The following HOXA2 variants were observed in gnomAD, a reference collection of about 807,000 sequenced individuals.
HOXA2 encodes homeobox protein Hox-A2.
HOXA2 carries 4 observed loss-of-function variants against 27.2 expected under a neutral mutation model. That is an observed-to-expected ratio of 0.15 (90% CI 0.07 to 0.34). The LOEUF (loss-of-function observed/expected upper bound fraction) is 0.34. Among genes scored for constraint, HOXA2 ranks in the 10% least tolerant of loss-of-function variants. The pLI is 1.00. For synonymous variants in HOXA2, 200 were observed against 202.8 expected (o/e 0.99, Z 0.12); for missense variants, 430 against 473.2 (o/e 0.91, Z 0.85).
At chr7:27,101,862 T>C (rs1478253948) in intron 1 of HOXA2, 2 of 710,236 alleles carry the variant, frequency 2.8e-6, no homozygotes, top group Admixed American at 2.0e-5. Flanking sequence ...CATCCCACAT[T>C]ACACAAGTTC....
chr7:27,102,051 G>A lies in HOXA2; in HGVS notation c.391+59C>T. 6.3e-7 allele frequency: 1 copy of A among 1,596,172 alleles called. No homozygotes were observed. The highest frequency in any genetic ancestry group is 8.5e-7 in the Non-Finnish European group (1 of 1,173,456). On this transcript the variant is annotated intron_variant, in intron 1 of 1. Transcript: ENST00000222718. This position sits in a 1 kb window ranked among gnomAD's most constrained non-coding sequence, Gnocchi z 4.6. ...CTCCCCTCCCCCCACAGCCACTCTC[G>A]GGGCAGCCCGGAGAAGGAAGAGGGT...
At position 27,102,002 on chromosome 7, in the gene HOXA2, C is replaced by G. The variant is rs1370971591; in HGVS notation, c.391+108G>C. ...ACAAGGCAACCAAGCATCTCTCCCTCTCCTCCTTCTCTCCCAGCCCACTCT... is the reference window on the plus strand; with the variant it reads ...ACAAGGCAACCAAGCATCTCTCCCTGTCCTCCTTCTCTCCCAGCCCACTCT... On this transcript the variant is annotated intron_variant, in intron 1 of 1. Transcript: ENST00000222718. The surrounding 1 kb of genome is among the most constrained non-coding windows in gnomAD (Gnocchi z 4.6). 1 of 1,490,624 alleles carries G rather than the reference C, an allele frequency of 6.7e-7. No individual in the cohort carries two copies. Among genetic ancestry groups the G allele is most frequent in the Non-Finnish European group, 9.1e-7 (1 of 1,099,392 alleles). The allele number at this position is 1,490,624 out of a possible 1,614,324, so 92.3% of individuals were successfully genotyped here. A position where few individuals can be genotyped will look rare whatever the true frequency, so the allele number is the denominator to read the frequency against.
At position 27,101,050 on chromosome 7, in the gene HOXA2, G is replaced by T. The variant is rs141931321; in HGVS notation, c.807C>A (p.Ser269=). 6.3e-5 allele frequency: 102 copies of T among 1,614,074 alleles called. No homozygotes were observed. Among genetic ancestry groups the T allele is most frequent in the Non-Finnish European group, 7.0e-5 (83 of 1,180,046 alleles). Residue 269 remains serine (S), a synonymous_variant, in exon 2 of 2, where the codon TCC becomes TCA. Coordinates refer to ENST00000222718, the MANE Select transcript of HOXA2 (RefSeq NM_006735.4). ...TTAAAGGCGAGACTGGGAAACTTTG[G>T]GAGTCGCCATTGTGTCCATTGGGAG... ...QQAPNGHNGD[S]QSFPVSPLTS...
Position 27,100,871 on chromosome 7 carries a change from G to A in HOXA2, c.986C>T (p.Ser329Phe). ...VPSLQDFSVF[S>F]TDSCLQLSDA... Reference sequence around the variant, plus strand: ...TGAAAGCTGCAGGCAGGAATCTGTGGAGAAAACGCTAAAGTCCTGCAAAGA... The same window carrying A: ...TGAAAGCTGCAGGCAGGAATCTGTGAAGAAAACGCTAAAGTCCTGCAAAGA... Residue 329 changes from serine to phenylalanine, a missense_variant, in exon 2 of 2, where the codon TCC (serine) becomes TTC (phenylalanine). Physicochemically the swap from Ser to Phe is radical, Grantham distance 155. Coordinates refer to ENST00000222718, the MANE Select transcript of HOXA2 (RefSeq NM_006735.4). 6.2e-7 allele frequency: 1 copy of A among 1,614,240 alleles called. No individual in the cohort carries two copies. The highest frequency in any genetic ancestry group is 8.5e-7 in the Non-Finnish European group (1 of 1,180,044).
Position 27,100,878 on chromosome 7 carries a change from C to T in HOXA2, c.979G>A (p.Val327Ile), listed in dbSNP as rs143043350. Reference sequence around the variant, plus strand: ...TGCAGGCAGGAATCTGTGGAGAAAACGCTAAAGTCCTGCAAAGAGGGGACC... The same window carrying T: ...TGCAGGCAGGAATCTGTGGAGAAAATGCTAAAGTCCTGCAAAGAGGGGACC... The part of the protein sequence containing the change: ...LEVPSLQDFS[V>I]FSTDSCLQLS... The change falls in exon 2 of 2, where the codon GTT becomes ATT. Residue 327 changes from valine (V) to isoleucine (I), a missense_variant. Physicochemically the swap from Val to Ile is conservative, Grantham distance 29. Coordinates refer to ENST00000222718, the MANE Select transcript of HOXA2 (RefSeq NM_006735.4). The T allele has an allele frequency of 9.5e-4, 1,533 of 1,614,204 alleles. 2 individuals carry two copies. The highest frequency in any genetic ancestry group is 1.0e-3 in the Non-Finnish European group (1,181 of 1,180,032).
Position 27,100,756 on chromosome 7 carries a change from GGTGA to G in HOXA2, c.1097_1100del (p.Leu366ProfsTer8), listed in dbSNP as rs1207415673. ...AATTCAGATGCTGCAAGTCGATTGTGGTGAGTGTGTCTGTAAAAAAGTCTAAGCT... is the reference window on the plus strand; with the variant it reads ...AATTCAGATGCTGCAAGTCGATTGTGGTGTGTCTGTAAAAAAGTCTAAGCT... On this transcript the variant is annotated frameshift_variant, in exon 2 of 2. Transcript: ENST00000222718. The G allele has an allele frequency of 1.2e-6, 2 of 1,614,212 alleles. No homozygotes were observed. The highest frequency in any genetic ancestry group is 1.7e-6 in the Non-Finnish European group (2 of 1,180,050).
At position 27,101,264 on chromosome 7, in the gene HOXA2, T is replaced by A; in HGVS notation, c.593A>T (p.His198Leu). ...TTCCTTGCACTGGGTCTGCCTCTTG[T>A]GCTTCATCCTCCGGTTCTGAAACCA... is the stretch of plus-strand genomic sequence containing the variant. ...KVWFQNRRMK[H>L]KRQTQCKENQ... Residue 198 changes from histidine to leucine, a missense_variant, in exon 2 of 2, where the codon CAC (histidine) becomes CTC (leucine). Physicochemically the swap from His to Leu is moderately conservative, Grantham distance 99. This residue lies in a region of HOXA2 where 26 missense variants were observed against 41.0 expected (regional missense o/e 0.63). Coordinates refer to ENST00000222718, the MANE Select transcript of HOXA2 (RefSeq NM_006735.4). 2 of 1,614,258 alleles carry A rather than the reference T, an allele frequency of 1.2e-6. No homozygotes were observed. The highest frequency in any genetic ancestry group is 1.7e-6 in the Non-Finnish European group (2 of 1,180,048).
Position 27,100,621 on chromosome 7 carries a change from G to T in HOXA2, c.*105C>A. 8.2e-7 allele frequency: 1 copy of T among 1,213,882 alleles called. No homozygotes were observed. Among genetic ancestry groups the T allele is most frequent in the Non-Finnish European group, 1.2e-6 (1 of 826,720 alleles). The allele number at this position is 1,213,882 out of a possible 1,614,324, so 75.2% of individuals were successfully genotyped here. A position where few individuals can be genotyped will look rare whatever the true frequency, so the allele number is the denominator to read the frequency against. On this transcript the variant is annotated 3_prime_UTR_variant, in exon 2 of 2. Transcript: ENST00000222718. ...CCTCAACACTTAAAGGAGGGAAGGG[G>T]TAGGTCAAGAAGAAAATAAAAAATA...
Position 27,101,273 on chromosome 7 carries a change from C to A in HOXA2, c.584G>T (p.Arg195Met). The A allele has an allele frequency of 6.2e-7, 1 of 1,614,234 alleles. No homozygotes were observed. Among genetic ancestry groups the A allele is most frequent in the Non-Finnish European group, 8.5e-7 (1 of 1,180,048 alleles). The change falls in exon 2 of 2, where the codon AGG (arginine) becomes ATG (methionine). Residue 195 changes from arginine to methionine, a missense_variant. Physicochemically the swap from Arg to Met is moderately conservative, Grantham distance 91 (BLOSUM62 -1). This residue lies in a region of HOXA2 where 26 missense variants were observed against 41.0 expected (regional missense o/e 0.63). Transcript: ENST00000222718. The part of the protein sequence containing the change: ...RQVKVWFQNR[R>M]MKHKRQTQCK... ...CTGGGTCTGCCTCTTGTGCTTCATC[C>A]TCCGGTTCTGAAACCACACTTTCAC...
At position 27,101,084 on chromosome 7, in the gene HOXA2, TGA is replaced by T. The variant is rs1783918102; in HGVS notation, c.771_772del (p.Gln258AlafsTer23). 1.9e-6 allele frequency: 3 copies of T among 1,614,108 alleles called. No individual in the cohort carries two copies. The highest frequency in any genetic ancestry group is 2.2e-5 in the East Asian group (1 of 44,892). ...ATTGTGTCCATTGGGAGCCTGCTGCTGAGAGAGGGCATTTTGCTGAAAAGTGT... is the reference window on the plus strand; with the variant it reads ...ATTGTGTCCATTGGGAGCCTGCTGCTGAGAGGGCATTTTGCTGAAAAGTGT... On this transcript the variant is annotated frameshift_variant, in exon 2 of 2. Coordinates refer to ENST00000222718, the MANE Select transcript of HOXA2 (RefSeq NM_006735.4).
rs749488771 is a variant in HOXA2 at position 27,101,969 on chromosome 7, G to A, written c.391+141C>T. On this transcript the variant is annotated intron_variant, in intron 1 of 1. Transcript: ENST00000222718. ...ATCAAACCCACTCCTGAACCCACAG[G>A]GGCAGGGACAAGGCAACCAAGCATC... is the stretch of plus-strand genomic sequence containing the variant. 1.3e-5 allele frequency: 16 copies of A among 1,211,890 alleles called. No homozygotes were observed. The Middle Eastern group carries it at 1.1e-3, about 85-fold the overall frequency. The allele number at this position is 1,211,890 out of a possible 1,614,324, so 75.1% of individuals were successfully genotyped here.
Position 27,102,541 on chromosome 7 carries a change from T to C in HOXA2, c.-41A>G. The C allele has an allele frequency of 6.2e-7, 1 of 1,604,170 alleles. No individual in the cohort carries two copies. The highest frequency in any genetic ancestry group is 8.5e-7 in the Non-Finnish European group (1 of 1,175,312). On this transcript the variant is annotated 5_prime_UTR_variant, in exon 1 of 2. Coordinates refer to ENST00000222718, the MANE Select transcript of HOXA2 (RefSeq NM_006735.4). This position sits in a 1 kb window ranked among gnomAD's most constrained non-coding sequence, Gnocchi z 4.6. ...GCCCCCTCAGAGAAAAAGTTCCCTC[T>C]TTTGGAGGGGCTTTGGGGGGGCAAG... is the stretch of plus-strand genomic sequence containing the variant.
At position 27,100,862 on chromosome 7, in the gene HOXA2, G is replaced by T. The variant is rs539038264; in HGVS notation, c.995C>A (p.Ser332Tyr). ...LQDFSVFSTD[S>Y]CLQLSDAVSP... ...AACTGCATCTGAAAGCTGCAGGCAG[G>T]AATCTGTGGAGAAAACGCTAAAGTC... The change falls in exon 2 of 2, where the codon TCC (serine) becomes TAC (tyrosine). Residue 332 changes from serine to tyrosine, a missense_variant. Ser to Tyr is a moderately radical substitution (Grantham distance 144, BLOSUM62 -2). Transcript: ENST00000222718. 5 of 1,614,250 alleles carry T rather than the reference G, an allele frequency of 3.1e-6. No individual in the cohort carries two copies. The highest frequency in any genetic ancestry group is 1.7e-6 in the Non-Finnish European group (2 of 1,180,048).
Position 27,100,865 on chromosome 7 carries a change from T to C in HOXA2, c.992A>G (p.Asp331Gly). ...TGCATCTGAAAGCTGCAGGCAGGAA[T>C]CTGTGGAGAAAACGCTAAAGTCCTG... The part of the protein sequence containing the change: ...SLQDFSVFST[D>G]SCLQLSDAVS... Residue 331 changes from aspartate (D) to glycine (G), a missense_variant, in exon 2 of 2, where the codon GAT (aspartate) becomes GGT (glycine). Asp to Gly is a moderately conservative substitution (Grantham distance 94). Coordinates refer to ENST00000222718, the MANE Select transcript of HOXA2 (RefSeq NM_006735.4). 1 of 1,614,188 alleles carries C rather than the reference T, an allele frequency of 6.2e-7. No homozygotes were observed. Among genetic ancestry groups the C allele is most frequent in the Non-Finnish European group, 8.5e-7 (1 of 1,180,030 alleles).
chr7:27,100,964 A>G lies in HOXA2; in HGVS notation c.893T>C (p.Leu298Ser). The G allele has an allele frequency of 2.5e-6, 4 of 1,614,222 alleles. 1 individual carries two copies. In the South Asian group the frequency reaches 4.4e-5, roughly 18 times the overall value. The part of the protein sequence containing the change: ...QHQSPTVPNC[L>S]STMGQNCGAG... ...TCCACAGTTCTGGCCCATTGTTGAC[A>G]AGCAGTTGGGAACAGTGGGTGACTG... is the stretch of plus-strand genomic sequence containing the variant. The change falls in exon 2 of 2, where the codon TTG becomes TCG. Residue 298 changes from leucine (L) to serine (S), a missense_variant. Leu to Ser is a moderately radical substitution (Grantham distance 145). This residue lies in a region of HOXA2 where 236 missense variants were observed against 208.5 expected (regional missense o/e 1.13). Transcript: ENST00000222718.
rs1397695085 is a variant in HOXA2 at position 27,100,391 on chromosome 7, T to G, written c.*335A>C. On this transcript the variant is annotated 3_prime_UTR_variant, in exon 2 of 2. Transcript: ENST00000222718. The stretch of plus-strand genomic sequence containing the variant: ...AGGAGAATTTATTCTACAAAAAATA[T>G]GCATGACAATGCATCCCAATGTAAT... 1 of 255,302 alleles carries G rather than the reference T, an allele frequency of 3.9e-6. No individual in the cohort carries two copies. Among genetic ancestry groups the G allele is most frequent in the Non-Finnish European group, 7.6e-6 (1 of 131,700 alleles). The allele number at this position is 255,302 out of a possible 1,614,324, so 15.8% of individuals were successfully genotyped here. A position where few individuals can be genotyped will look rare whatever the true frequency, so the allele number is the denominator to read the frequency against.
At position 27,101,347 on chromosome 7, in the gene HOXA2, T is replaced by C; in HGVS notation, c.510A>G (p.Arg170=). 6.2e-7 allele frequency: 1 copy of C among 1,613,514 alleles called. No individual in the cohort carries two copies. The highest frequency in any genetic ancestry group is 8.5e-7 in the Non-Finnish European group (1 of 1,180,022). Residue 170 remains arginine (R), a synonymous_variant, in exon 2 of 2, where the codon AGA becomes AGG. Coordinates refer to ENST00000222718, the MANE Select transcript of HOXA2 (RefSeq NM_006735.4). Reference sequence around the variant, plus strand: ...GCGCTGCAATCTCCACCCTTCGGGGTCTGCAAAGGTACTTGTTGAAATGAA... The same window carrying C: ...GCGCTGCAATCTCCACCCTTCGGGGCCTGCAAAGGTACTTGTTGAAATGAA... ...KEFHFNKYLC[R]PRRVEIAALL...
rs1783947232 is a variant in HOXA2 at position 27,102,518 on chromosome 7, C to T, written c.-18G>A. 6.2e-7 allele frequency: 1 copy of T among 1,612,202 alleles called. No homozygotes were observed. Among genetic ancestry groups the T allele is most frequent in the South Asian group, 1.1e-5 (1 of 91,058 alleles). On this transcript the variant is annotated 5_prime_UTR_variant, in exon 1 of 2. Transcript: ENST00000222718. The surrounding 1 kb of genome is among the most constrained non-coding windows in gnomAD (Gnocchi z 4.6). ...TAATTCATGGCCTTCTCCTTGGAGC[C>T]CCCTCAGAGAAAAAGTTCCCTCTTT... is the stretch of plus-strand genomic sequence containing the variant.
Position 27,100,835 on chromosome 7 carries a change from G to A in HOXA2, c.1022C>T (p.Ser341Leu). 1 of 1,614,234 alleles carries A rather than the reference G, an allele frequency of 6.2e-7. No individual in the cohort carries two copies. Residue 341 changes from serine to leucine, a missense_variant, in exon 2 of 2, where the codon TCA becomes TTA. By Grantham distance (145) the Ser-to-Leu change is moderately radical (BLOSUM62 -2). Transcript: ENST00000222718. ...GTCGAGGGAACCTGGCAAACTGGGT[G>A]AAACTGCATCTGAAAGCTGCAGGCA... ...DSCLQLSDAV[S>L]PSLPGSLDSP...
Sources: gnomAD v4.1 joint callset for allele counts on GRCh38, gnomAD v4.1.1 for gene constraint, gnomAD v4.1.1 regional missense constraint, Gnocchi (gnomAD v3.1) non-coding constraint, MANE v1.5 for transcripts, NCBI Gene and HGNC (gene_info 2026-07-23, HGNC 2026-07-21) for gene names.